Variants in TSPAN12 observed in about 807,000 individuals in gnomAD.
The protein encoded by TSPAN12 is tetraspanin-12.
Under a neutral mutation model 39.2 loss-of-function variants are expected in TSPAN12, and 19 were observed. That is an observed-to-expected ratio of 0.49 (90% CI 0.34 to 0.71). The LOEUF is 0.71. TSPAN12 is among the 30% of genes least tolerant of loss of function. TSPAN12 has a pLI of 0.01. For synonymous variants in TSPAN12, 119 were observed against 124.8 expected (o/e 0.95, Z 0.31); for missense variants, 314 against 359.9 (o/e 0.87, Z 1.03).
chr7:120,840,859 C>T (rs568196819), intron 2 of TSPAN12, among the ~76,000 whole-genome samples: 1 of 152,284 alleles, frequency 6.6e-6, no homozygotes, highest in Middle Eastern at 3.4e-3. Context: ...CATTTAACAA[C>T]CTTTTCTCAA....
At chr7:120,821,573 G>A (rs1794188523) in intron 4 of TSPAN12, among the ~76,000 whole-genome samples, 1 of 152,146 alleles carries the variant, frequency 6.6e-6, no homozygotes, top group South Asian at 2.1e-4. Context: ...TGTAAAGTGA[G>A]AATGTTAAAA....
chr7:120,817,284 G>A (rs1022129512), intron 4 of TSPAN12, among the ~76,000 whole-genome samples: 1 of 151,942 alleles, frequency 6.6e-6, no homozygotes, highest in Non-Finnish European at 1.5e-5. Context: ...AACACTTTGG[G>A]AGGCTGAGGT....
Position 120,806,434 on chromosome 7 carries a change from T to C in TSPAN12, c.612+115A>G, listed in dbSNP as rs1584929402. 3 of 1,160,406 alleles carry C rather than the reference T, an allele frequency of 2.6e-6. No individual in the cohort carries two copies. In the East Asian group the frequency reaches 7.2e-5, roughly 28 times the overall value. The allele number at this position is 1,160,406 out of a possible 1,614,324, so 71.9% of individuals were successfully genotyped here. A position where few individuals can be genotyped will look rare whatever the true frequency, so the allele number is the denominator to read the frequency against. ...TTCTCCCCATATTAGAGAAAAATTT[T>C]AAGGCCTTTTACATTTAGACAGAGA... On this transcript the variant is annotated intron_variant, in intron 7 of 7. Transcript: ENST00000222747.
At position 120,792,383 on chromosome 7, in the gene TSPAN12, A is replaced by T. The variant is rs12154992; in HGVS notation, c.613-3486T>A. On this transcript the variant is annotated intron_variant, in intron 7 of 7. Transcript: ENST00000222747. ...CCAGGAGGTTACCAACGACAGTTAG[A>T]GGTAACTATTGATCTCTGAGGCTGC... is the stretch of plus-strand genomic sequence containing the variant. 4.3e-3 allele frequency among the ~76,000 whole-genome samples: 656 copies of T among 152,346 alleles called. 5 individuals carry two copies. Among genetic ancestry groups the T allele is most frequent in the Non-Finnish European group, 7.5e-3 (512 of 68,022 alleles).
At chr7:120,810,017 G>GT (rs1254497843) in intron 6 of TSPAN12, among the ~76,000 whole-genome samples, 1 of 152,042 alleles carries the variant, frequency 6.6e-6, no homozygotes, top group African/African-American at 2.4e-5. Context: ...TTTAACCAAG[G>GT]TCTTTCTGAA....
At chr7:120,810,592 T>C in intron 5 of TSPAN12, 22 bp from the exon 6 acceptor site, 10 of 1,372,432 alleles carry the variant, frequency 7.3e-6, no homozygotes, top group Non-Finnish European at 1.0e-5. Context: ...AAGCAAAATA[T>C]CAACAGCTGT....
rs1793467082 is a variant in TSPAN12, at chr7:120,789,043, T to C, written c.613-146A>G. On this transcript the variant is annotated intron_variant, in intron 7 of 7. Coordinates refer to ENST00000222747, the MANE Select transcript of TSPAN12 (RefSeq NM_012338.4). Reference sequence around the variant, plus strand: ...TAAGACAGTGGTTCTCAGGGAAAGCTGATGAGAAGAAGGAGAGAGGGAGGT... The same window carrying C: ...TAAGACAGTGGTTCTCAGGGAAAGCCGATGAGAAGAAGGAGAGAGGGAGGT... 1.6e-5 allele frequency: 14 copies of C among 852,534 alleles called. No individual in the cohort carries two copies. The East Asian group carries it at 3.7e-4, about 23-fold the overall frequency. 52.8% of individuals were successfully genotyped at this position (852,534 alleles called of 1,614,324 possible). A position where few individuals can be genotyped will look rare whatever the true frequency, so the allele number is the denominator to read the frequency against.
chr7:120,844,959 G>A (rs544627738), intron 2 of TSPAN12, among the ~76,000 whole-genome samples: 14 of 152,286 alleles, frequency 9.2e-5, no homozygotes, highest in Admixed American at 4.6e-4. Flanking sequence ...GCAGACTTTT[G>A]CCTGGATATC....
intron 4 of TSPAN12, among the ~76,000 whole-genome samples, chr7:120,831,051 G>C (rs770680047): frequency 1.3e-5 from 2 of 151,890 alleles, no homozygotes; most frequent in Non-Finnish European, 2.9e-5. Context: ...GAAAAAAAAT[G>C]CTCAACATCA....
At chr7:120,848,826 C>T (rs549952413) in intron 2 of TSPAN12, among the ~76,000 whole-genome samples, 1 of 152,296 alleles carries the variant, frequency 6.6e-6, no homozygotes, top group South Asian at 2.1e-4. Flanking sequence ...TGAGGCTTTA[C>T]TCACTGGGCT....
rs138429930 is a variant in TSPAN12, at chr7:120,805,553, C to G, written c.612+996G>C. On this transcript the variant is annotated intron_variant, in intron 7 of 7. Transcript: ENST00000222747. ...ATAGTGTGAGCAGTGCCTTGTGATA[C>G]CAGGTACTTGACAAGAGGTGTATGT... is the stretch of plus-strand genomic sequence containing the variant. Among the ~76,000 whole-genome samples the G allele has an allele frequency of 9.2e-5, 14 of 152,198 alleles. 1 individual carries two copies. Among genetic ancestry groups the G allele is most frequent in the Admixed American group, 9.2e-4 (14 of 15,268 alleles).
At chr7:120,818,587 A>G (rs1794129076) in intron 4 of TSPAN12, among the ~76,000 whole-genome samples, 1 of 152,152 alleles carries the variant, frequency 6.6e-6, no homozygotes, top group African/African-American at 2.4e-5. Context: ...ATTTAAAAAT[A>G]TAAATCATTA....
intron 2 of TSPAN12, among the ~76,000 whole-genome samples, chr7:120,847,616 A>G (rs1220499681): frequency 6.6e-6 from 1 of 152,184 alleles, no homozygotes; most frequent in Non-Finnish European, 1.5e-5. Context: ...CCTCAGCTCT[A>G]TATCTAATTA....
chr7:120,808,971 A>AAT (rs1200069161), intron 6 of TSPAN12, among the ~76,000 whole-genome samples: 9 of 149,676 alleles, frequency 6.0e-5, no homozygotes, highest in South Asian at 2.1e-4. Context: ...AGGGTATTTA[A>AAT]ATATATATAT....
chr7:120,830,229 T>G (rs1794365278), intron 4 of TSPAN12, among the ~76,000 whole-genome samples: 1 of 152,092 alleles, frequency 6.6e-6, no homozygotes, highest in Non-Finnish European at 1.5e-5. Flanking sequence ...CTATCCAAAG[T>G]GACCTACAAA....
intron 4 of TSPAN12, among the ~76,000 whole-genome samples, chr7:120,827,726 C>A (rs1261823842): frequency 6.6e-6 from 1 of 152,166 alleles, no homozygotes; most frequent in East Asian, 1.9e-4. Flanking sequence ...TCCATTATCT[C>A]TAAGTAAATG....
At chr7:120,829,367 A>T (rs1319975925) in intron 4 of TSPAN12, among the ~76,000 whole-genome samples, 1 of 152,134 alleles carries the variant, frequency 6.6e-6, no homozygotes, top group Non-Finnish European at 1.5e-5. Context: ...GACATTGCAC[A>T]TAAAGCAAAT....
intron 4 of TSPAN12, among the ~76,000 whole-genome samples, chr7:120,823,503 C>T (rs976482083): frequency 1.1e-4 from 16 of 152,018 alleles, no homozygotes; most frequent in Non-Finnish European, 2.1e-4. Context: ...CAGCTGTAAA[C>T]AGCATTTACA....
chr7:120,795,028 T>C (rs1793604792), intron 7 of TSPAN12, among the ~76,000 whole-genome samples: 2 of 152,250 alleles, frequency 1.3e-5, no homozygotes, highest in Non-Finnish European at 2.9e-5. Flanking sequence ...TGTTTATATG[T>C]ATTTATTATA....
Sources: allele counts gnomAD v4.1 joint callset (sites outside exome capture counted in the v4.1 genomes callset), GRCh38; gene constraint gnomAD v4.1.1; transcripts MANE v1.5; gene names NCBI Gene and HGNC (gene_info 2026-07-23, HGNC 2026-07-21).